Variants in CPA5 observed in about 807,000 individuals in gnomAD.
CPA5 encodes the protein carboxypeptidase A5.
A neutral mutation model predicts 52.2 loss-of-function variants in CPA5; 38 were observed. That is an observed-to-expected ratio of 0.73 (90% CI 0.56 to 0.95). The LOEUF is 0.95. Among genes scored for constraint, CPA5 ranks in the 40% least tolerant of loss-of-function variants. The pLI is 0.00. For missense variants in CPA5, 519 were observed against 566.7 expected (o/e 0.92, Z 0.86); for synonymous variants, 198 against 213.7 (o/e 0.93, Z 0.64).
downstream of CPA5, among the ~76,000 whole-genome samples, chr7:130,373,555 T>C (rs1554410141): frequency 1.3e-5 from 2 of 152,162 alleles, no homozygotes; most frequent in African/African-American, 4.8e-5. Context: ...CCGTGGGGGC[T>C]GGGCCCTGGC....
intron 5 of CPA5, among the ~76,000 whole-genome samples, chr7:130,357,636 A>T (rs1293305146): frequency 6.6e-6 from 1 of 152,098 alleles, no homozygotes; most frequent in Admixed American, 6.6e-5. Flanking sequence ...AAAAAAAAAA[A>T]AAGTTCTTAT....
In CPA5 at chr7:130,361,311, A is replaced by C; in HGVS notation, c.534+67A>C. On this transcript the variant is annotated intron_variant, in intron 7 of 12. Transcript: ENST00000474905. ...GCCTCTGGCATAAGATTGATCTCAT[A>C]TGGGGTAGTGGCTGGGCGGGAGTTT... 9 of 1,105,360 alleles carry C rather than the reference A, an allele frequency of 8.1e-6. No homozygotes were observed. In the South Asian group the frequency reaches 1.1e-4, roughly 14 times the overall value. The allele number at this position is 1,105,360 out of a possible 1,614,324, so 68.5% of individuals were successfully genotyped here.
intron 4 of CPA5, among the ~76,000 whole-genome samples, chr7:130,348,201 G>A (rs1449180633): frequency 6.6e-6 from 1 of 152,130 alleles, no homozygotes; most frequent in Admixed American, 6.5e-5. Context: ...CATGGAGGTT[G>A]GATACATTGG....
At chr7:130,352,741 G>A (rs1795239860) in intron 5 of CPA5, among the ~76,000 whole-genome samples, 1 of 152,174 alleles carries the variant, frequency 6.6e-6, no homozygotes, top group Non-Finnish European at 1.5e-5. Flanking sequence ...CAGGAGGGTG[G>A]TGAGGAAATT....
At chr7:130,358,806 T>C (rs1482543644) in intron 5 of CPA5, among the ~76,000 whole-genome samples, 5 of 152,194 alleles carry the variant, frequency 3.3e-5, no homozygotes, top group African/African-American at 1.2e-4. Context: ...GTAGGTGGTC[T>C]GAGCAGTGAG....
At chr7:130,372,690 G>A (rs971708012), downstream of CPA5, among the ~76,000 whole-genome samples, 1 of 152,220 alleles carries the variant, frequency 6.6e-6, no homozygotes, top group Non-Finnish European at 1.5e-5. Context: ...ATGCCTAGCT[G>A]TAAGGTAAGC....
At chr7:130,356,402 GT>G (rs1554405224) in intron 5 of CPA5, among the ~76,000 whole-genome samples, 2 of 152,160 alleles carry the variant, frequency 1.3e-5, no homozygotes, top group Non-Finnish European at 2.9e-5. Context: ...TTGTTTTGTT[GT>G]TTTTTCCTGA....
At position 130,363,501 on chromosome 7, in the gene CPA5, G is replaced by A. The variant is rs1225598498; in HGVS notation, c.830G>A (p.Gly277Asp). Residue 277 changes from glycine (G) to aspartate (D), a missense_variant, in exon 10 of 13, where the codon GGT becomes GAT. Transcript: ENST00000474905. ...GATCTCAACAGGAACTGGAAGTCGG[G>A]TTTTGGAGGTATGGCAACCTGCTGT... ...GVDLNRNWKS[G>D]FGGNGSNSNP... The A allele has an allele frequency of 6.3e-7, 1 of 1,582,912 alleles. No individual in the cohort carries two copies. The highest frequency in any genetic ancestry group is 1.2e-5 in the South Asian group (1 of 86,132).
chr7:130,363,144 C>A, intron 9 of CPA5, 150 bp downstream of exon 9: 1 of 616,946 alleles, frequency 1.6e-6, no homozygotes, highest in East Asian at 2.7e-5. Context: ...GCACCTGCAG[C>A]CTCTTGCCCT....
At chr7:130,347,731 C>T (rs1200054503) in intron 3 of CPA5, 35 bp from the exon 4 acceptor site, 18 of 1,573,314 alleles carry the variant, frequency 1.1e-5, no homozygotes, top group East Asian at 2.2e-5. Flanking sequence ...GATCCTTCTC[C>T]GCAGCTTCCT....
chr7:130,352,397 G>T (rs1380025405), intron 5 of CPA5, among the ~76,000 whole-genome samples: 2 of 152,108 alleles, frequency 1.3e-5, no homozygotes, highest in African/African-American at 2.4e-5. Flanking sequence ...ACAATGGAGT[G>T]GATGAGCGAC....
chr7:130,357,932 ATG>A (rs1377118158), intron 5 of CPA5, among the ~76,000 whole-genome samples: 3 of 141,046 alleles, frequency 2.1e-5, no homozygotes, highest in African/African-American at 5.2e-5. Context: ...ATATCTGTGT[ATG>A]TGTGTGTTTT....
chr7:130,370,333 C>CG (rs1796282326), downstream of CPA5, among the ~76,000 whole-genome samples: 1 of 149,394 alleles, frequency 6.7e-6, no homozygotes, highest in Non-Finnish European at 1.5e-5. Context: ...CCACAGGAGA[C>CG]TTTTTTTTTT....
chr7:130,357,639 G>C (rs1435363430), intron 5 of CPA5, among the ~76,000 whole-genome samples: 1 of 149,286 alleles, frequency 6.7e-6, no homozygotes, highest in East Asian at 2.0e-4. Flanking sequence ...AAAAAAAAAA[G>C]TTCTTATTGA....
chr7:130,362,428 T>C lies in CPA5; in HGVS notation c.535-10T>C. On this transcript the variant is annotated splice_polypyrimidine_tract_variant and intron_variant, in intron 7 of 12. Coordinates refer to ENST00000474905, the MANE Select transcript of CPA5 (RefSeq NM_080385.5). ...CAAACCTCGGTTTGGGGCCCGATTC[T>C]TTTTCTCAGTTCAGCACTGGAGGTT... 1 of 1,603,434 alleles carries C rather than the reference T, an allele frequency of 6.2e-7. No homozygotes were observed.
rs1796158232 is a variant in CPA5 at position 130,367,449 on chromosome 7, A to G, written c.916A>G (p.Ile306Val). The G allele has an allele frequency of 1.9e-6, 3 of 1,614,168 alleles. No homozygotes were observed. The highest frequency in any genetic ancestry group is 2.2e-5 in the East Asian group (1 of 44,882). ...SPQSEPEVAA[I>V]VNFITAHGNF... The stretch of plus-strand genomic sequence containing the variant: ...TCAGTCGGAGCCGGAGGTGGCTGCC[A>G]TAGTGAACTTCATCACAGCCCATGG... Residue 306 changes from isoleucine (I) to valine (V), a missense_variant, in exon 11 of 13, where the codon ATA becomes GTA. Physicochemically the swap from Ile to Val is conservative, Grantham distance 29. Coordinates refer to ENST00000474905, the MANE Select transcript of CPA5 (RefSeq NM_080385.5).
At chr7:130,351,323 G>A (rs1554403908) in intron 5 of CPA5, among the ~76,000 whole-genome samples, 1 of 152,146 alleles carries the variant, frequency 6.6e-6, no homozygotes. Context: ...CATTTCCCTG[G>A]TTCAGCCCCA....
At chr7:130,370,121 C>T (rs575194376), downstream of CPA5, among the ~76,000 whole-genome samples, 31 of 152,364 alleles carry the variant, frequency 2.0e-4, no homozygotes, top group Admixed American at 6.5e-4. Flanking sequence ...GAAGGCCAAA[C>T]CTGGGGCTGT....
At chr7:130,365,434 A>G (rs1218793788) in intron 10 of CPA5, among the ~76,000 whole-genome samples, 1 of 152,262 alleles carries the variant, frequency 6.6e-6, no homozygotes, top group Non-Finnish European at 1.5e-5. Context: ...CAATTATGGA[A>G]AAAAGCCCAG....
Sources: gnomAD v4.1 joint callset for allele counts (sites outside exome capture counted in the v4.1 genomes callset) on GRCh38, gnomAD v4.1.1 for gene constraint, MANE v1.5 for transcripts, NCBI Gene and HGNC (gene_info 2026-07-23, HGNC 2026-07-21) for gene names.